The following FHIT variants were observed in gnomAD, a reference collection of about 807,000 sequenced individuals.
FHIT encodes the protein fragile histidine triad diadenosine triphosphatase.
FHIT carries 19 observed loss-of-function variants against 17.9 expected under a neutral mutation model. The ratio of observed to expected loss-of-function variants is 1.06; its 90% CI spans 0.74 to 1.56. The LOEUF (loss-of-function observed/expected upper bound fraction) is 1.56. Among genes scored for constraint, FHIT ranks in the 40% most tolerant of loss-of-function variants. FHIT has a pLI of 0.00. For synonymous variants in FHIT, 81 were observed against 69.7 expected (o/e 1.16, Z -0.81); for missense variants, 248 against 189.2 (o/e 1.31, Z -1.82).
chr3:60,126,160 C>T (rs1290304386), intron 5 of FHIT, among the ~76,000 whole-genome samples: 12 of 152,122 alleles, frequency 7.9e-5, no homozygotes, highest in Non-Finnish European at 1.2e-4. Context: ...TCCTGTTTCT[C>T]CCAAAGTACT....
chr3:59,913,856 G>A (rs1575687144), intron 8 of FHIT, among the ~76,000 whole-genome samples: 1 of 152,128 alleles, frequency 6.6e-6, no homozygotes, highest in Non-Finnish European at 1.5e-5. Context: ...AAGGTGGAGA[G>A]AATTTAGAGC....
At chr3:59,867,083 A>G (rs977021936) in intron 8 of FHIT, among the ~76,000 whole-genome samples, 1 of 150,032 alleles carries the variant, frequency 6.7e-6, no homozygotes, top group African/African-American at 2.5e-5. Context: ...CCATAAAAGT[A>G]GCCTCTAATT....
chr3:60,132,818 T>G (rs1246237901), intron 5 of FHIT, among the ~76,000 whole-genome samples: 1 of 152,166 alleles, frequency 6.6e-6, no homozygotes, highest in East Asian at 1.9e-4. Context: ...CACCATAATA[T>G]AGTAGAAAAC....
intron 5 of FHIT, among the ~76,000 whole-genome samples, chr3:60,368,978 TTTG>T (rs1409238474): frequency 6.8e-6 from 1 of 147,856 alleles, no homozygotes; most frequent in African/African-American, 2.6e-5. Context: ...TTCTTTTCTC[TTTG>T]TTTTTTTTTC....
chr3:60,384,708 A>AAACAACAACAAC (rs111660638), intron 5 of FHIT, among the ~76,000 whole-genome samples: 1 of 151,502 alleles, frequency 6.6e-6, no homozygotes, highest in Non-Finnish European at 1.5e-5. Flanking sequence ...CAAAATCTTA[A>AAACAACAACAAC]AACAACAACA....
chr3:60,772,004 C>A (rs1283782948), intron 4 of FHIT, among the ~76,000 whole-genome samples: 1 of 152,170 alleles, frequency 6.6e-6, no homozygotes, highest in Non-Finnish European at 1.5e-5. Context: ...ACTGGCACTG[C>A]TGACAGGTTC....
intron 5 of FHIT, among the ~76,000 whole-genome samples, chr3:60,532,018 G>C (rs1243627534): frequency 6.6e-6 from 1 of 152,142 alleles, no homozygotes; most frequent in African/African-American, 2.4e-5. Context: ...ACTTTGTAAG[G>C]CTGTCCCTAC....
chr3:60,270,114 T>G (rs750849390), intron 5 of FHIT, among the ~76,000 whole-genome samples: 7 of 152,162 alleles, frequency 4.6e-5, no homozygotes, highest in Non-Finnish European at 1.0e-4. Flanking sequence ...GATGAGGTTG[T>G]ATCTGTTGTG....
intron 5 of FHIT, among the ~76,000 whole-genome samples, chr3:60,230,679 T>C (rs1371926101): frequency 1.3e-5 from 2 of 152,188 alleles, no homozygotes; most frequent in African/African-American, 2.4e-5. Flanking sequence ...AATGCCTTTT[T>C]GTCCAAAGAA....
At chr3:59,921,501 G>A (rs56102208) in intron 8 of FHIT, among the ~76,000 whole-genome samples, 10,199 of 152,280 alleles carry the variant, frequency 0.067, 410 homozygotes, top group African/African-American at 0.11. Context: ...CTTGGCAGGC[G>A]TTGCTAATCA....
chr3:60,321,036 C>G (rs936292169), intron 5 of FHIT, among the ~76,000 whole-genome samples: 1 of 152,198 alleles, frequency 6.6e-6, no homozygotes, highest in Admixed American at 6.6e-5. Flanking sequence ...GTCTTTGAAC[C>G]TGTTATCCAT....
intron 4 of FHIT, among the ~76,000 whole-genome samples, chr3:60,557,931 C>T (rs2036797641): frequency 6.6e-6 from 1 of 152,002 alleles, no homozygotes; most frequent in Non-Finnish European, 1.5e-5. Context: ...TACATTTGCA[C>T]CCTGGTTTCA....
chr3:60,748,475 T>C (rs1310874395), intron 4 of FHIT, among the ~76,000 whole-genome samples: 1 of 152,118 alleles, frequency 6.6e-6, no homozygotes, highest in Non-Finnish European at 1.5e-5. Context: ...ATTCCTTATA[T>C]AAAATAGCAA....
intron 5 of FHIT, among the ~76,000 whole-genome samples, chr3:60,299,694 G>A (rs1396142089): frequency 2.0e-5 from 3 of 151,946 alleles, no homozygotes; most frequent in South Asian, 2.1e-4. Context: ...ATGTGGACTC[G>A]TTACCACCCA....
intron 5 of FHIT, among the ~76,000 whole-genome samples, chr3:60,288,805 T>C (rs1302571545): frequency 2.6e-5 from 4 of 152,178 alleles, no homozygotes; most frequent in African/African-American, 9.7e-5. Flanking sequence ...ATTAAGACAT[T>C]ATACAATGAA....
At chr3:60,134,544 A>G (rs1699732574) in intron 5 of FHIT, among the ~76,000 whole-genome samples, 1 of 152,216 alleles carries the variant, frequency 6.6e-6, no homozygotes, top group South Asian at 2.1e-4. Flanking sequence ...GACACACAAC[A>G]TGATGACTAT....
intron 8 of FHIT, among the ~76,000 whole-genome samples, chr3:59,799,979 C>A (rs1438761414): frequency 6.6e-6 from 1 of 152,116 alleles, no homozygotes; most frequent in African/African-American, 2.4e-5. Context: ...CAGGCTCCTA[C>A]CATTTTCTAG....
chr3:60,773,683 T>C (rs534709143), intron 4 of FHIT, among the ~76,000 whole-genome samples: 3 of 152,392 alleles, frequency 2.0e-5, no homozygotes, highest in South Asian at 4.1e-4. Context: ...GCTTACAAGA[T>C]AATCATCTGA....
At chr3:60,870,261 A>G (rs544115216) in intron 3 of FHIT, among the ~76,000 whole-genome samples, 6,043 of 17,136 alleles carry the variant, frequency 0.35, 394 homozygotes, top group African/African-American at 0.37. Flanking sequence ...AAACACACAA[A>G]GAAAAAAAAA....
Sources: allele counts gnomAD v4.1 joint callset (sites outside exome capture counted in the v4.1 genomes callset), GRCh38; gene constraint gnomAD v4.1.1; transcripts MANE v1.5; gene names NCBI Gene and HGNC (gene_info 2026-07-23, HGNC 2026-07-21).